CEACAM16: variants seen among roughly 807,000 people sequenced by gnomAD.
CEACAM16 encodes the protein cell adhesion molecule CEACAM16.
CEACAM16 carries 30 observed loss-of-function variants against 39.4 expected under a neutral mutation model. The ratio of observed to expected loss-of-function variants is 0.76; its 90% confidence interval spans 0.57 to 1.03. The LOEUF is 1.03. Ranked by LOEUF, CEACAM16 falls within the 50% of genes least tolerant of loss-of-function variation. The pLI is 0.00. For missense variants in CEACAM16, 521 were observed against 585.3 expected, an observed-to-expected ratio of 0.89 and a Z score of 1.13; for synonymous variants, 262 against 264.9, an observed-to-expected ratio of 0.99 and a Z score of 0.11.
chr19:44,704,079 C>G lies in CEACAM16; in HGVS notation c.444C>G (p.Thr148=). 1 of 1,610,024 alleles carries G rather than the reference C, an allele frequency of 6.2e-7. No homozygotes were observed. Among genetic ancestry groups the G allele is most frequent in the Non-Finnish European group, 8.5e-7 (1 of 1,179,126 alleles). Residue 148 remains threonine, a synonymous_variant, in exon 4 of 7, where the codon ACC becomes ACG. Transcript: ENST00000587331. ...CAGCGCTGGTGGAACGTCGAGACACCCTGCGCCTTATGTGCAGCAGCCCCA... is the reference window on the plus strand; with the variant it reads ...CAGCGCTGGTGGAACGTCGAGACACGCTGCGCCTTATGTGCAGCAGCCCCA... ...NSTALVERRD[T]LRLMCSSPSP...
chr19:44,708,322 A>G (rs545556026), intron 6 of CEACAM16, 135 bp downstream of exon 6: 1 of 931,302 alleles, frequency 1.1e-6, no homozygotes, highest in Admixed American at 3.0e-5. Context: ...TGAAGGAAGC[A>G]GCCTTGTCTC....
Position 44,708,098 on chromosome 19 carries a change from T to C in CEACAM16, c.1178T>C (p.Leu393Pro), listed in dbSNP as rs751828047. ...AACTGCTCGCTGTTGGTGCAGAAGC[T>C]GAACCTCACAGACACTGGCCGCTAC... ...FPNCSLLVQK[L>P]NLTDTGRYTL... The change falls in exon 6 of 7, where the codon CTG becomes CCG. Residue 393 changes from leucine to proline, a missense_variant. By Grantham distance (98) the Leu-to-Pro change is moderately conservative. Transcript: ENST00000587331. 1 of 1,611,432 alleles carries C rather than the reference T, an allele frequency of 6.2e-7. No homozygotes were observed. The highest frequency in any genetic ancestry group is 1.7e-5 in the Admixed American group (1 of 59,714).
At position 44,701,519 on chromosome 19, in the gene CEACAM16, A is replaced by C. The variant is rs1348826475; in HGVS notation, c.37+26A>C. The C allele has an allele frequency of 1.3e-6, 2 of 1,556,532 alleles. No individual in the cohort carries two copies. The highest frequency in any genetic ancestry group is 1.7e-6 in the Non-Finnish European group (2 of 1,149,948). On this transcript the variant is annotated intron_variant, in intron 2 of 6. Coordinates refer to ENST00000587331, the MANE Select transcript of CEACAM16 (RefSeq NM_001039213.4). This position sits in a 1 kb window ranked among gnomAD's most constrained non-coding sequence, Gnocchi z 4.0. ...GTGAGCGAGAATGGCACCCCCCAGC[A>C]CCTCAGCCCCCCGAGGACCCCAGGG...
At position 44,699,270 on chromosome 19, in the gene CEACAM16, G is replaced by A. The variant is rs1258247839; in HGVS notation, c.-97+10G>A. 7.5e-6 allele frequency: 4 copies of A among 534,228 alleles called. No homozygotes were observed. The African/African-American group carries it at 7.7e-5, about 10-fold the overall frequency. The allele number at this position is 534,228 out of a possible 1,614,324, so 33.1% of individuals were successfully genotyped here. A position where few individuals can be genotyped will look rare whatever the true frequency, so the allele number is the denominator to read the frequency against. On this transcript the variant is annotated intron_variant, in intron 1 of 6. Transcript: ENST00000587331. ...CTCTGCGCCAGTCGTGGTAAGTACTGTACTTCACATGTGTATCTACTTAAT... is the reference window on the plus strand; with the variant it reads ...CTCTGCGCCAGTCGTGGTAAGTACTATACTTCACATGTGTATCTACTTAAT...
intron 1 of CEACAM16, 171 bp downstream of exon 1, chr19:44,699,431 CT>C (rs199957735): frequency 0.056 from 18,664 of 334,444 alleles, 4 homozygotes; most frequent in South Asian, 0.077. Flanking sequence ...AGAGCCTATA[CT>C]TTTTTTTTTT....
At chr19:44,700,539 G>A (rs938318404) in intron 1 of CEACAM16, among the ~76,000 whole-genome samples, 2 of 152,062 alleles carry the variant, frequency 1.3e-5, no homozygotes, top group African/African-American at 2.4e-5. Context: ...TTGGCCTCCC[G>A]AAGTGCTGGG....
At chr19:44,708,219 C>T in intron 6 of CEACAM16, 32 bp downstream of exon 6, 1 of 1,484,056 alleles carries the variant, frequency 6.7e-7, no homozygotes, top group Non-Finnish European at 9.0e-7. Flanking sequence ...AGGCGTGCCC[C>T]TTTTTAGACA....
intron 2 of CEACAM16, among the ~76,000 whole-genome samples, chr19:44,702,583 C>T (rs1974365027): frequency 6.6e-6 from 1 of 152,248 alleles, no homozygotes; most frequent in South Asian, 2.1e-4. Flanking sequence ...GCAGCCCCGA[C>T]CAGCTCATCG....
intron 6 of CEACAM16, 49 bp downstream of exon 6, chr19:44,708,236 C>G (rs1196016740): frequency 2.1e-6 from 3 of 1,448,442 alleles, no homozygotes; most frequent in Non-Finnish European, 2.8e-6. Flanking sequence ...GACAAGGGCT[C>G]CCAAAAGGAG....
intron 2 of CEACAM16, 102 bp from the exon 3 acceptor site, chr19:44,703,247 C>G: frequency 3.9e-6 from 4 of 1,032,660 alleles, no homozygotes; most frequent in South Asian, 3.3e-5. Context: ...ACACAGAGGA[C>G]ACTGGGCTGG....
intron 5 of CEACAM16, among the ~76,000 whole-genome samples, chr19:44,707,405 A>T (rs1974465783): frequency 6.6e-6 from 1 of 152,194 alleles, no homozygotes; most frequent in Non-Finnish European, 1.5e-5. Flanking sequence ...CTCACCCTCA[A>T]GAATCTTTCA....
chr19:44,709,494 T>C lies in CEACAM16; in HGVS notation c.1268-1002T>C, dbSNP rs371897114. 1.1e-3 allele frequency among the ~76,000 whole-genome samples: 146 copies of C among 135,052 alleles called. 4 individuals are homozygous for C. Among genetic ancestry groups the C allele is most frequent in the African/African-American group, 2.6e-3 (86 of 32,722 alleles). The allele number at this position is 135,052 out of a possible 152,430, so 88.6% of individuals were successfully genotyped here. A position where few individuals can be genotyped will look rare whatever the true frequency, so the allele number is the denominator to read the frequency against. ...AGGGACCATGTCTCCTTCATCAGAC[T>C]GGGAGCTCCCAGAGTCAGGGACCAT... On this transcript the variant is annotated intron_variant, in intron 6 of 6. Coordinates refer to ENST00000587331, the MANE Select transcript of CEACAM16 (RefSeq NM_001039213.4).
At chr19:44,703,914 T>TG (rs1274834058) in intron 3 of CEACAM16, 104 bp from the exon 4 acceptor site, 1 of 1,334,432 alleles carries the variant, frequency 7.5e-7, no homozygotes, top group Non-Finnish European at 1.0e-6. Flanking sequence ...GCTGAGGGTG[T>TG]GGGGGCCCAG....
rs921019503 is a variant in CEACAM16 at position 44,701,702 on chromosome 19, T to C, written c.37+209T>C. ...CAGCCACCCAGAGAGGTTTTCAGGG[T>C]GGGCTTTGGAGATTTCTAAGCCCAG... is the stretch of plus-strand genomic sequence containing the variant. On this transcript the variant is annotated intron_variant, in intron 2 of 6. Coordinates refer to ENST00000587331, the MANE Select transcript of CEACAM16 (RefSeq NM_001039213.4). The surrounding 1 kb of genome is among the most constrained non-coding windows in gnomAD (Gnocchi z 4.0). Among the ~76,000 whole-genome samples, 1 of 152,156 alleles carries C rather than the reference T, an allele frequency of 6.6e-6. No homozygotes were observed. Among genetic ancestry groups the C allele is most frequent in the African/African-American group, 2.4e-5 (1 of 41,454 alleles).
intron 6 of CEACAM16, among the ~76,000 whole-genome samples, chr19:44,709,662 T>C (rs1236243681): frequency 9.8e-5 from 14 of 142,812 alleles, no homozygotes; most frequent in East Asian, 2.2e-4. Context: ...TCCATCAGAC[T>C]GGGAGCTCCC....
At chr19:44,703,007 T>C (rs1394699994) in intron 2 of CEACAM16, among the ~76,000 whole-genome samples, 1 of 152,224 alleles carries the variant, frequency 6.6e-6, no homozygotes, top group Non-Finnish European at 1.5e-5. Context: ...CTAACATGTA[T>C]TGGGCACTTA....
chr19:44,701,477 C>A lies in CEACAM16; in HGVS notation c.21C>A (p.Ser7Arg). 1 of 1,565,902 alleles carries A rather than the reference C, an allele frequency of 6.4e-7. No individual in the cohort carries two copies. Among genetic ancestry groups the A allele is most frequent in the Non-Finnish European group, 8.7e-7 (1 of 1,154,724 alleles). Residue 7 changes from serine to arginine, a missense_variant, in exon 2 of 7, where the codon AGC (serine) becomes AGA (arginine). Transcript: ENST00000587331. This position sits in a 1 kb window ranked among gnomAD's most constrained non-coding sequence, Gnocchi z 4.0. MALTGYSWLLLSATFLN... is the reference protein window; with the variant it reads MALTGYRWLLLSATFLN... Reference sequence around the variant, plus strand: ...GAAAGATGGCGCTGACTGGGTACAGCTGGCTGCTCCTCAGTGGTGAGCGAG... The same window carrying A: ...GAAAGATGGCGCTGACTGGGTACAGATGGCTGCTCCTCAGTGGTGAGCGAG...
In CEACAM16 at chr19:44,710,540, C is replaced by A. The variant is rs1178399568; in HGVS notation, c.*34C>A. 1 of 1,613,526 alleles carries A rather than the reference C, an allele frequency of 6.2e-7. No individual in the cohort carries two copies. The highest frequency in any genetic ancestry group is 8.5e-7 in the Non-Finnish European group (1 of 1,179,598). On this transcript the variant is annotated 3_prime_UTR_variant, in exon 7 of 7. Transcript: ENST00000587331. Reference sequence around the variant, plus strand: ...CCCTGGAGACGTCCAGAGAGAAGAGCTCTTCGCACCATCCTCTGGTCCTCG... The same window carrying A: ...CCCTGGAGACGTCCAGAGAGAAGAGATCTTCGCACCATCCTCTGGTCCTCG...
Position 44,703,423 on chromosome 19 carries a change from AC to A in CEACAM16, c.113del (p.Thr38SerfsTer33). ...PAQPSEGDNVTLVVHGLSGEL... is the reference protein window; with the variant it reads ...PAQPSEGDNVXLVVHGLSGEL... ...CCAGCCGAGCGAAGGGGACAACGTC[AC>A]GCTGGTCGTCCATGGGCTTTCGGGG... On this transcript the variant is annotated frameshift_variant, in exon 3 of 7. Transcript: ENST00000587331. LOFTEE classifies it high-confidence loss of function. 1 of 1,613,830 alleles carries A rather than the reference AC, an allele frequency of 6.2e-7. No homozygotes were observed. The highest frequency in any genetic ancestry group is 8.5e-7 in the Non-Finnish European group (1 of 1,179,898).
Sources: allele counts gnomAD v4.1 joint callset (sites outside exome capture counted in the v4.1 genomes callset), GRCh38; gene constraint gnomAD v4.1.1; non-coding constraint Gnocchi (gnomAD v3.1); transcripts MANE v1.5; gene names NCBI Gene and HGNC (gene_info 2026-07-23, HGNC 2026-07-21).